Variants in LAMC3 observed in about 807,000 individuals in gnomAD.
LAMC3 encodes the protein laminin subunit gamma-3.
LAMC3 carries 128 observed loss-of-function variants against 173.8 expected under a neutral mutation model. The observed-to-expected ratio is 0.74, with a 90% CI of 0.64 to 0.85. LAMC3 has a LOEUF of 0.85. Among genes scored for constraint, LAMC3 ranks in the 40% least tolerant of loss-of-function variants. LAMC3 has a pLI of 0.00. For missense variants in LAMC3, 2,022 were observed against 2,156.0 expected (o/e 0.94, Z 1.23); for synonymous variants, 897 against 909.1 (o/e 0.99, Z 0.24).
chr9:131,065,216 A>T (rs1317552518), intron 13 of LAMC3, among the ~76,000 whole-genome samples: 5 of 152,174 alleles, frequency 3.3e-5, no homozygotes, highest in Admixed American at 1.3e-4. Flanking sequence ...AGCACTTGGA[A>T]CAAGTATGTT....
chr9:131,056,871 G>A (rs1834417310), intron 11 of LAMC3, 58 bp from the exon 12 acceptor site: 1 of 1,366,688 alleles, frequency 7.3e-7, no homozygotes, highest in Non-Finnish European at 1.0e-6. Flanking sequence ...GTTTTGGGGG[G>A]AAGCATGTGC....
At chr9:131,077,960 T>A (rs1830164867) in intron 22 of LAMC3, among the ~76,000 whole-genome samples, 1 of 152,146 alleles carries the variant, frequency 6.6e-6, no homozygotes, top group Non-Finnish European at 1.5e-5. Context: ...ACTCCAGCTC[T>A]GTGACCTCGG....
At chr9:131,013,652 G>A (rs1009953203) in intron 1 of LAMC3, among the ~76,000 whole-genome samples, 8 of 152,158 alleles carry the variant, frequency 5.3e-5, no homozygotes, top group South Asian at 2.1e-4. Context: ...TGGTGCGCAC[G>A]AGCCTCATCT....
chr9:131,087,376 TACAG>T, intron 25 of LAMC3, 96 bp from the exon 26 acceptor site: 1 of 1,418,876 alleles, frequency 7.0e-7, no homozygotes, highest in Non-Finnish European at 1.0e-6. Context: ...ATCTGCCTGG[TACAG>T]ACAACTGCTT....
At position 131,039,087 on chromosome 9, in the gene LAMC3, C is replaced by T. The variant is rs774997361; in HGVS notation, c.1165+35C>T. 29 of 1,612,286 alleles carry T rather than the reference C, an allele frequency of 1.8e-5. No individual in the cohort carries two copies. In the South Asian group the frequency reaches 3.1e-4, roughly 17 times the overall value. On this transcript the variant is annotated intron_variant, in intron 5 of 27. Coordinates refer to ENST00000361069, the MANE Select transcript of LAMC3 (RefSeq NM_006059.4). ...CTCCACATCCCCAGCCTCCGACCCTCTCCCTTTCCTGGCCTCAATTGCCCT... is the reference window on the plus strand; with the variant it reads ...CTCCACATCCCCAGCCTCCGACCCTTTCCCTTTCCTGGCCTCAATTGCCCT...
intron 1 of LAMC3, among the ~76,000 whole-genome samples, chr9:131,014,631 C>T (rs1833486919): frequency 6.6e-6 from 1 of 152,204 alleles, no homozygotes; most frequent in South Asian, 2.1e-4. Context: ...TTGCCCACTG[C>T]ACAGGGTGCT....
At chr9:131,057,562 A>G (rs1202149110) in intron 12 of LAMC3, among the ~76,000 whole-genome samples, 1 of 152,194 alleles carries the variant, frequency 6.6e-6, no homozygotes, top group Admixed American at 6.5e-5. Context: ...AGGGTTCTCA[A>G]GAAGGTCACA....
Position 131,052,552 on chromosome 9 carries a change from G to A in LAMC3, c.1692G>A (p.Val564=). 1.2e-6 allele frequency: 2 copies of A among 1,614,116 alleles called. No individual in the cohort carries two copies. Among genetic ancestry groups the A allele is most frequent in the Non-Finnish European group, 8.5e-7 (1 of 1,179,982 alleles). ...YGQPLILTFR[V]PPGDSPLPVQ... ...AGCCCCTCATACTGACCTTCCGGGT[G>A]CCCCCCGGGGACTCCCCACTCCCTG... The change falls in exon 10 of 28, where the codon GTG becomes GTA. Residue 564 remains valine (V), a synonymous_variant. Coordinates refer to ENST00000361069, the MANE Select transcript of LAMC3 (RefSeq NM_006059.4).
rs58064050 is a variant in LAMC3, at chr9:131,059,490, C to CAAAAA, written c.2159-1520_2159-1516dup. On this transcript the variant is annotated intron_variant, in intron 12 of 27. Transcript: ENST00000361069. ...CTGGGCGACAGAGCGGACTCCGTCT[C>CAAAAA]AAAAAAAAAAAAAAAAAAAAAAAAA... Among the ~76,000 whole-genome samples, 61 of 64,404 alleles carry CAAAAA rather than the reference C, an allele frequency of 9.5e-4. 6 individuals carry two copies. The highest frequency in any genetic ancestry group is 1.4e-3 in the African/African-American group (25 of 18,068). 42.3% of individuals were successfully genotyped at this position (64,404 alleles called of 152,430 possible).
At chr9:131,067,484 C>A (rs1829960528) in intron 14 of LAMC3, among the ~76,000 whole-genome samples, 1 of 152,182 alleles carries the variant, frequency 6.6e-6, no homozygotes, top group African/African-American at 2.4e-5. Flanking sequence ...GCAGTCAGCA[C>A]GTATGGCTGA....
chr9:131,056,837 C>T (rs1834416009), intron 11 of LAMC3, 92 bp from the exon 12 acceptor site: 1 of 930,456 alleles, frequency 1.1e-6, no homozygotes, highest in African/African-American at 1.6e-5. Context: ...TATACGTGGG[C>T]CTGGTCCATA....
chr9:131,061,768 G>A (rs1219759082), intron 13 of LAMC3, among the ~76,000 whole-genome samples: 4 of 152,108 alleles, frequency 2.6e-5, no homozygotes, highest in Non-Finnish European at 4.4e-5. Context: ...CATACAATTC[G>A]GCTGGGTGTG....
At chr9:131,074,819 A>G (rs1588165519) in intron 20 of LAMC3, among the ~76,000 whole-genome samples, 1 of 152,160 alleles carries the variant, frequency 6.6e-6, no homozygotes, top group Non-Finnish European at 1.5e-5. Context: ...AAACATTCAG[A>G]GAAGTTAAGG....
At chr9:131,028,303 A>T (rs964321169) in intron 2 of LAMC3, among the ~76,000 whole-genome samples, 2 of 152,142 alleles carry the variant, frequency 1.3e-5, no homozygotes, top group Non-Finnish European at 2.9e-5. Context: ...CCTGGTGCCG[A>T]AAAGGTTGGA....
Position 131,069,858 on chromosome 9 carries a change from G to T in LAMC3, c.3069+8G>T, listed in dbSNP as rs563444562. 1.0e-5 allele frequency: 16 copies of T among 1,579,024 alleles called. No homozygotes were observed. Among genetic ancestry groups the T allele is most frequent in the Admixed American group, 9.1e-5 (5 of 55,162 alleles). On this transcript the variant is annotated splice_region_variant and intron_variant, in intron 17 of 27. Coordinates refer to ENST00000361069, the MANE Select transcript of LAMC3 (RefSeq NM_006059.4). ...GCCCTGGTGAAGGAGGAGGTGAGTCGGCCCAGACCCACTCACCTTTCCATT... is the reference window on the plus strand; with the variant it reads ...GCCCTGGTGAAGGAGGAGGTGAGTCTGCCCAGACCCACTCACCTTTCCATT...
At chr9:131,031,317 C>G (rs570593293) in intron 2 of LAMC3, among the ~76,000 whole-genome samples, 7 of 152,202 alleles carry the variant, frequency 4.6e-5, no homozygotes, top group Admixed American at 2.0e-4. Flanking sequence ...CCCGACTTCC[C>G]CTCCACGCTC....
rs1170988808 is a variant in LAMC3, at chr9:131,009,410, G to C, written c.196G>C (p.Gly66Arg). The C allele has an allele frequency of 1.9e-6, 3 of 1,540,168 alleles. No individual in the cohort carries two copies. In the African/African-American group the frequency reaches 4.1e-5, roughly 21 times the overall value. ...GCCCGAGGACTTCTGTCCCCACGTG[G>C]GCGCCGCGGGCGCGGGGGCTCATTG... ...SPPEDFCPHV[G>R]AAGAGAHCQR... is the part of the protein sequence containing the mutation. Residue 66 changes from glycine to arginine, a missense_variant, in exon 1 of 28, where the codon GGC (glycine) becomes CGC (arginine). By Grantham distance (125) the Gly-to-Arg change is moderately radical (BLOSUM62 -2). Coordinates refer to ENST00000361069, the MANE Select transcript of LAMC3 (RefSeq NM_006059.4). The surrounding 1 kb of genome is among the most constrained non-coding windows in gnomAD (Gnocchi z 4.3).
intron 24 of LAMC3, among the ~76,000 whole-genome samples, chr9:131,083,866 T>C (rs1005679314): frequency 1.7e-4 from 2 of 11,724 alleles, no homozygotes; most frequent in Admixed American, 5.4e-4. Context: ...TAATAAGTGC[T>C]TTTTTTTTTT....
chr9:131,071,356 T>C, intron 17 of LAMC3, 128 bp from the exon 18 acceptor site: 1 of 1,075,510 alleles, frequency 9.3e-7, no homozygotes, highest in South Asian at 1.4e-5. Flanking sequence ...CCCTTAGCGC[T>C]GAGGCCCAGG....
Sources: allele counts gnomAD v4.1 joint callset (sites outside exome capture counted in the v4.1 genomes callset), GRCh38; gene constraint gnomAD v4.1.1; non-coding constraint Gnocchi (gnomAD v3.1); transcripts MANE v1.5; gene names NCBI Gene and HGNC (gene_info 2026-07-23, HGNC 2026-07-21).